The following PARVA variants were observed in gnomAD, a reference collection of about 807,000 sequenced individuals.
PARVA encodes parvin alpha.
A neutral mutation model predicts 52.6 loss-of-function variants in PARVA; 25 were observed. That is an observed-to-expected ratio of 0.48 (90% confidence interval 0.35 to 0.66). The LOEUF is 0.66. PARVA is among the 30% of genes least tolerant of loss of function. The pLI is 0.01. For synonymous variants in PARVA, 185 were observed against 179.1 expected, an observed-to-expected ratio of 1.03 and a Z score of -0.26; for missense variants, 373 against 450.9, an observed-to-expected ratio of 0.83 and a Z score of 1.56.
chr11:12,505,018 T>C (rs1170602677), intron 6 of PARVA, among the ~76,000 whole-genome samples: 1 of 152,132 alleles, frequency 6.6e-6, no homozygotes, highest in African/African-American at 2.4e-5. Flanking sequence ...TCTCAAGTCA[T>C]CTTTTCCAGA....
chr11:12,420,181 G>T (rs74493392), intron 1 of PARVA, among the ~76,000 whole-genome samples: 133 of 152,260 alleles, frequency 8.7e-4, no homozygotes, highest in African/African-American at 3.2e-3. Flanking sequence ...AGTTCTGGGA[G>T]ACTCAGCTTC....
At chr11:12,490,935 T>C (rs1427702738) in intron 4 of PARVA, among the ~76,000 whole-genome samples, 2 of 151,476 alleles carry the variant, frequency 1.3e-5, no homozygotes, top group Non-Finnish European at 2.9e-5. Flanking sequence ...ACTGAAATAA[T>C]AGAAACAGAG....
chr11:12,533,813 G>GAGA lies in PARVA; in HGVS notation c.*5890_*5891insAAG, dbSNP rs1218940852. On this transcript the variant is annotated 3_prime_UTR_variant, in exon 13 of 13. Transcript: ENST00000334956. ...TGGTCATCACATTGAGTAGGCGGAGGAGGAGGAGGAGGAGGAGGAGTAGGG... is the reference window on the plus strand; with the variant it reads ...TGGTCATCACATTGAGTAGGCGGAGGAGAAGGAGGAGGAGGAGGAGGAGTAGGG... 1.7e-4 allele frequency among the ~76,000 whole-genome samples: 26 copies of GAGA among 152,088 alleles called. No homozygotes were observed. The highest frequency in any genetic ancestry group is 6.0e-4 in the African/African-American group (25 of 41,458).
intron 7 of PARVA, among the ~76,000 whole-genome samples, chr11:12,511,247 T>A (rs558900648): frequency 6.6e-6 from 1 of 152,284 alleles, no homozygotes; most frequent in East Asian, 1.9e-4. Flanking sequence ...CCTTTAGGCA[T>A]CACTATGCCA....
intron 10 of PARVA, among the ~76,000 whole-genome samples, chr11:12,515,403 G>C (rs1409162369): frequency 2.0e-5 from 3 of 152,202 alleles, no homozygotes; most frequent in Non-Finnish European, 4.4e-5. Context: ...AGGAAATAAG[G>C]AATGTTCTGG....
At chr11:12,465,333 G>C (rs1292982274) in intron 1 of PARVA, among the ~76,000 whole-genome samples, 2 of 152,150 alleles carry the variant, frequency 1.3e-5, no homozygotes, top group South Asian at 2.1e-4. Context: ...GCCCTCACTA[G>C]ATGTGGCCCT....
At chr11:12,402,068 C>T (rs1455436549) in intron 1 of PARVA, among the ~76,000 whole-genome samples, 4 of 152,282 alleles carry the variant, frequency 2.6e-5, no homozygotes, top group East Asian at 1.9e-4. Context: ...TGGGAGGGAA[C>T]GCTTTGCATA....
rs147646906 is a variant in PARVA at position 12,464,506 on chromosome 11, C to T, written c.137-9239C>T. ...TCAACTAGAGTGCCGTGCCTAAATG[C>T]AGTTCCTTTTGCCTTTGGTCTTATA... On this transcript the variant is annotated intron_variant, in intron 1 of 12. Transcript: ENST00000334956. Among the ~76,000 whole-genome samples the T allele has an allele frequency of 1.5e-3, 231 of 152,294 alleles. 2 individuals carry two copies. The highest frequency in any genetic ancestry group is 0.01 in the Middle Eastern group (3 of 294).
chr11:12,463,229 A>AT (rs1940808445), intron 1 of PARVA, among the ~76,000 whole-genome samples: 1 of 152,086 alleles, frequency 6.6e-6, no homozygotes, highest in African/African-American at 2.4e-5. Flanking sequence ...CTTTTGTTAT[A>AT]TTATTGATAT....
chr11:12,511,701 G>T (rs923492409), intron 8 of PARVA, among the ~76,000 whole-genome samples, 168 bp downstream of exon 8: 1 of 151,720 alleles, frequency 6.6e-6, no homozygotes, highest in East Asian at 2.0e-4. Flanking sequence ...CTGGCGGGAA[G>T]AAGACTACCT....
chr11:12,499,363 G>A (rs928012327), intron 5 of PARVA, among the ~76,000 whole-genome samples: 3 of 151,790 alleles, frequency 2.0e-5, no homozygotes, highest in Non-Finnish European at 2.9e-5. Context: ...GCGCCTCTCC[G>A]CTCAGGATGA....
intron 12 of PARVA, among the ~76,000 whole-genome samples, chr11:12,519,392 C>T (rs1349311280): frequency 6.6e-6 from 1 of 152,118 alleles, no homozygotes; most frequent in Non-Finnish European, 1.5e-5. Context: ...CCCTGTAGAC[C>T]ATGATATAAC....
At chr11:12,450,761 A>C (rs572136603) in intron 1 of PARVA, among the ~76,000 whole-genome samples, 136 of 152,274 alleles carry the variant, frequency 8.9e-4, no homozygotes, top group African/African-American at 3.2e-3. Context: ...GAGTCCAAAA[A>C]CTGAAGAACT....
chr11:12,524,631 G>C (rs1941678225), intron 12 of PARVA, among the ~76,000 whole-genome samples: 1 of 152,162 alleles, frequency 6.6e-6, no homozygotes, highest in East Asian at 1.9e-4. Flanking sequence ...CAAGTCACCT[G>C]CTGGGCCTAT....
rs115826754 is a variant in PARVA, at chr11:12,498,746, C to T, written c.541+2148C>T. ...TGCCCCACCACGCCCACCTAACTTT[C>T]GTATTTTTAGTAGAGACAGGAATTC... On this transcript the variant is annotated intron_variant, in intron 5 of 12. Transcript: ENST00000334956. 9.6e-3 allele frequency among the ~76,000 whole-genome samples: 1,459 copies of T among 151,784 alleles called. 25 individuals carry two copies. Among genetic ancestry groups the T allele is most frequent in the African/African-American group, 0.033 (1,370 of 41,382 alleles).
chr11:12,430,447 C>A (rs2134993635), intron 1 of PARVA, among the ~76,000 whole-genome samples: 1 of 152,304 alleles, frequency 6.6e-6, no homozygotes, highest in South Asian at 2.1e-4. Context: ...GGGTAAAAGT[C>A]TCCTCTTTGG....
At chr11:12,484,380 C>T (rs1941129599) in intron 4 of PARVA, among the ~76,000 whole-genome samples, 1 of 152,104 alleles carries the variant, frequency 6.6e-6, no homozygotes, top group East Asian at 1.9e-4. Context: ...GAGTCATAAG[C>T]TTCCAGGGCT....
At chr11:12,500,628 A>G (rs1315296322) in intron 5 of PARVA, among the ~76,000 whole-genome samples, 2 of 149,658 alleles carry the variant, frequency 1.3e-5, no homozygotes, top group East Asian at 3.9e-4. Context: ...CGTCTCTACT[A>G]AAAAATACAA....
At chr11:12,506,296 TA>T (rs1941430175) in intron 6 of PARVA, among the ~76,000 whole-genome samples, 1 of 152,226 alleles carries the variant, frequency 6.6e-6, no homozygotes, top group Non-Finnish European at 1.5e-5. Context: ...ATACTGCTGT[TA>T]TATTCATTTA....
Sources: allele counts gnomAD v4.1 joint callset (sites outside exome capture counted in the v4.1 genomes callset), GRCh38; gene constraint gnomAD v4.1.1; transcripts MANE v1.5; gene names NCBI Gene and HGNC (gene_info 2026-07-23, HGNC 2026-07-21).